Variants in NRCAM observed in about 807,000 individuals in gnomAD.
NRCAM encodes neuronal cell adhesion molecule.
NRCAM carries 83 observed loss-of-function variants against 156.5 expected under a neutral mutation model. The ratio of observed to expected loss-of-function variants is 0.53; its 90% CI spans 0.44 to 0.64. The LOEUF (loss-of-function observed/expected upper bound fraction) is 0.64, where lower values mean the gene tolerates loss of function less well. Among genes scored for constraint, NRCAM ranks in the 30% least tolerant of loss-of-function variants. The probability of loss-of-function intolerance (pLI) is 0.00; values close to 1 mark genes in which losing one functional copy is unlikely to be tolerated. For synonymous variants in NRCAM, 538 were observed against 563.9 expected, an observed-to-expected ratio of 0.95 and a Z score of 0.65; for missense variants, 1,417 against 1,597.3, an observed-to-expected ratio of 0.89 and a Z score of 1.92.
intron 1 of NRCAM, among the ~76,000 whole-genome samples, chr7:108,413,350 G>T (rs754806529): frequency 8.6e-5 from 13 of 152,014 alleles, no homozygotes; most frequent in Non-Finnish European, 1.5e-4. Context: ...GTCTATTCAG[G>T]TGCTTTGCCC....
chr7:108,329,728 G>T (rs79246757), intron 2 of NRCAM, among the ~76,000 whole-genome samples: 325 of 152,166 alleles, frequency 2.1e-3, no homozygotes, highest in African/African-American at 7.2e-3. Flanking sequence ...CCTTCAAAGC[G>T]TATTGTCAGA....
intron 8 of NRCAM, 152 bp from the exon 9 acceptor site, chr7:108,226,530 TAAAAAAAA>T (rs3078782): frequency 7.6e-6 from 3 of 393,786 alleles, no homozygotes; most frequent in Non-Finnish European, 1.3e-5. Flanking sequence ...CAAATAACTG[TAAAAAAAA>T]AAAAAAAAAT....
chr7:108,168,273 T>G lies in NRCAM; in HGVS notation c.3313+4A>C. On this transcript the variant is annotated splice_donor_region_variant and intron_variant, in intron 29 of 32. Transcript: ENST00000379028. ...AAAAATCGGGTAATGAAATTGTTTC[T>G]TACTGCCTGCTACACCATATTCAAC... The G allele has an allele frequency of 2.0e-6, 3 of 1,504,472 alleles. No individual in the cohort carries two copies. Among genetic ancestry groups the G allele is most frequent in the Non-Finnish European group, 2.7e-6 (3 of 1,130,092 alleles). The allele number at this position is 1,504,472 out of a possible 1,614,324, so 93.2% of individuals were successfully genotyped here.
At chr7:108,266,089 G>A (rs2097093689) in intron 3 of NRCAM, among the ~76,000 whole-genome samples, 1 of 151,908 alleles carries the variant, frequency 6.6e-6, no homozygotes, top group South Asian at 2.1e-4. Flanking sequence ...TATTGTATGT[G>A]TTTTCAAATA....
intron 15 of NRCAM, among the ~76,000 whole-genome samples, chr7:108,195,060 C>A (rs2074191878): frequency 9.7e-6 from 1 of 103,484 alleles, no homozygotes; most frequent in African/African-American, 2.9e-5. Flanking sequence ...ACAAATTCTG[C>A]TTTGGAGCTT....
In NRCAM at chr7:108,181,615, C is replaced by CTTT. The variant is rs34899360; in HGVS notation, c.2646+204_2646+206dup. Among the ~76,000 whole-genome samples, 94 of 148,462 alleles carry CTTT rather than the reference C, an allele frequency of 6.3e-4. 1 individual carries two copies. The highest frequency in any genetic ancestry group is 1.1e-3 in the Admixed American group (17 of 14,942). Reference sequence around the variant, plus strand: ...TCATCAGTGGGAAAAATGGAGAAAACTTTTTTTTTTTTTAATTTTGGATGC... The same window carrying CTTT: ...TCATCAGTGGGAAAAATGGAGAAAACTTTTTTTTTTTTTTTTAATTTTGGATGC... On this transcript the variant is annotated intron_variant, in intron 24 of 32. Coordinates refer to ENST00000379028, the MANE Select transcript of NRCAM (RefSeq NM_001037132.4).
chr7:108,249,002 T>C lies in NRCAM; in HGVS notation c.-106-8832A>G, dbSNP rs186322413. ...GATGGGCTGTGTGGGTGCTAGCTAG[T>C]TGAAGCTACCTCCTCTGTCTTCCTC... On this transcript the variant is annotated intron_variant, in intron 3 of 32. Transcript: ENST00000379028. 7.1e-4 allele frequency among the ~76,000 whole-genome samples: 108 copies of C among 152,224 alleles called. 1 individual carries two copies. The highest frequency in any genetic ancestry group is 1.4e-3 in the Non-Finnish European group (93 of 68,014).
chr7:108,244,584 G>T (rs573214125), intron 3 of NRCAM, among the ~76,000 whole-genome samples: 4 of 152,044 alleles, frequency 2.6e-5, no homozygotes, highest in Admixed American at 2.0e-4. Flanking sequence ...CACATCAACA[G>T]AGTCAATTAC....
Position 108,369,172 on chromosome 7 carries a change from T to C in NRCAM, c.-174+30264A>G, listed in dbSNP as rs2099613058. ...TAATTCATGTTAGCAAGTTTCAGAA[T>C]ATTCAAACAAGCCTATTCCAATTAA... On this transcript the variant is annotated intron_variant, in intron 2 of 32. Transcript: ENST00000379028. Among the ~76,000 whole-genome samples, 6 of 152,236 alleles carry C rather than the reference T, an allele frequency of 3.9e-5. No homozygotes were observed. The South Asian group carries it at 1.2e-3, about 32-fold the overall frequency.
intron 2 of NRCAM, among the ~76,000 whole-genome samples, chr7:108,346,077 T>C (rs2099351706): frequency 6.6e-6 from 1 of 152,164 alleles, no homozygotes; most frequent in Admixed American, 6.5e-5. Flanking sequence ...GGAGACTAGC[T>C]GTGGTAGCTC....
intron 3 of NRCAM, among the ~76,000 whole-genome samples, chr7:108,284,331 T>A (rs1397010446): frequency 6.6e-6 from 1 of 152,156 alleles, no homozygotes; most frequent in African/African-American, 2.4e-5. Flanking sequence ...TGAGTCTCTC[T>A]TCTCAACCTC....
intron 3 of NRCAM, among the ~76,000 whole-genome samples, chr7:108,299,122 G>A (rs867727353): frequency 0.029 from 1,012 of 34,992 alleles, 47 homozygotes; most frequent in African/African-American, 0.083. Flanking sequence ...AAAAAAGAAA[G>A]AAAGAAAGAA....
At chr7:108,184,688 T>C in intron 20 of NRCAM, 74 bp from the exon 21 acceptor site, 7 of 1,290,218 alleles carry the variant, frequency 5.4e-6, no homozygotes, top group Non-Finnish European at 7.6e-6. Flanking sequence ...CAGCAATAAC[T>C]AACAGGGCAA....
At chr7:108,280,007 G>C (rs1490355820) in intron 3 of NRCAM, among the ~76,000 whole-genome samples, 2 of 152,108 alleles carry the variant, frequency 1.3e-5, no homozygotes, top group Non-Finnish European at 2.9e-5. Flanking sequence ...TGCACACTCC[G>C]CTTCAGCAGC....
At chr7:108,349,273 C>G (rs2099393484) in intron 2 of NRCAM, among the ~76,000 whole-genome samples, 1 of 144,332 alleles carries the variant, frequency 6.9e-6, no homozygotes, top group Non-Finnish European at 1.5e-5. Context: ...GTTATGAACT[C>G]TTTTTTTTTT....
At chr7:108,164,549 A>AGGT (rs1554491817) in intron 30 of NRCAM, among the ~76,000 whole-genome samples, 1 of 130,718 alleles carries the variant, frequency 7.7e-6, no homozygotes, top group African/African-American at 2.8e-5. Flanking sequence ...CGCGGAACCG[A>AGGT]GAGGAGAGGA....
chr7:108,299,114 A>AAAAG (rs1554479870), intron 3 of NRCAM, among the ~76,000 whole-genome samples: 10 of 25,510 alleles, frequency 3.9e-4, no homozygotes, highest in African/African-American at 6.5e-4. Context: ...TCAAAAAAAA[A>AAAAG]AAAGAAAGAA....
chr7:108,234,858 T>G (rs755475948), intron 5 of NRCAM, 170 bp from the exon 6 acceptor site: 1 of 754,128 alleles, frequency 1.3e-6, no homozygotes, highest in Non-Finnish European at 2.4e-6. Context: ...GCTAAAGGTC[T>G]GCTAAAACTG....
At chr7:108,421,185 A>G (rs1037085546) in intron 1 of NRCAM, among the ~76,000 whole-genome samples, 6 of 152,174 alleles carry the variant, frequency 3.9e-5, no homozygotes, top group Non-Finnish European at 8.8e-5. Context: ...ATGTGTGTGT[A>G]TAAAACGTGT....
Sources: allele counts gnomAD v4.1 joint callset (sites outside exome capture counted in the v4.1 genomes callset), GRCh38; gene constraint gnomAD v4.1.1; transcripts MANE v1.5; gene names NCBI Gene and HGNC (gene_info 2026-07-23, HGNC 2026-07-21).